Variants in CDH23 observed in about 807,000 individuals in gnomAD.
CDH23 encodes the protein cadherin-23.
A neutral mutation model predicts 317.1 loss-of-function variants in CDH23; 189 were observed. The ratio of observed to expected loss-of-function variants is 0.60; its 90% CI spans 0.53 to 0.67. The LOEUF (loss-of-function observed/expected upper bound fraction) is 0.67. Among genes scored for constraint, CDH23 ranks in the 30% least tolerant of loss-of-function variants. The pLI is 0.00. For missense variants in CDH23, 4,401 were observed against 4,592.4 expected, an observed-to-expected ratio of 0.96 and a Z score of 1.20; for synonymous variants, 1,839 against 1,876.8, an observed-to-expected ratio of 0.98 and a Z score of 0.52.
chr10:71,456,406 G>GTTTTGGATGCGGCC (rs1564591931), intron 3 of CDH23, among the ~76,000 whole-genome samples: 3 of 151,058 alleles, frequency 2.0e-5, no homozygotes, highest in Admixed American at 6.6e-5. Context: ...CCTCTAAGGT[G>GTTTTGGATGCGGCC]ATAGAACAGA....
At chr10:71,594,664 C>T (rs553365321) in intron 9 of CDH23, among the ~76,000 whole-genome samples, 6 of 152,274 alleles carry the variant, frequency 3.9e-5, no homozygotes, top group Admixed American at 3.3e-4. Flanking sequence ...CATGAGCCAC[C>T]GCACCCAGCC....
intron 41 of CDH23, among the ~76,000 whole-genome samples, chr10:71,780,635 G>A (rs530198699): frequency 6.6e-6 from 1 of 152,196 alleles, no homozygotes. Flanking sequence ...GGGCCTTGAG[G>A]GGCATCATGA....
chr10:71,456,424 T>A (rs1850700456), intron 3 of CDH23, among the ~76,000 whole-genome samples: 1 of 142,496 alleles, frequency 7.0e-6, no homozygotes, highest in African/African-American at 3.1e-5. Flanking sequence ...AGACTGTGTC[T>A]TCTTGGGGGT....
chr10:71,636,826 T>C lies in CDH23; in HGVS notation c.1135-7035T>C, dbSNP rs547878909. ...GTGGAGAAACGGAGGCCTGGAGCCA[T>C]GAGTGGCGGGGCAGGCCTGAAGGGC... On this transcript the variant is annotated intron_variant, in intron 11 of 69. Coordinates refer to ENST00000224721, the MANE Select transcript of CDH23 (RefSeq NM_022124.6). Among the ~76,000 whole-genome samples the C allele has an allele frequency of 9.5e-4, 144 of 152,254 alleles. 1 individual carries two copies. The highest frequency in any genetic ancestry group is 1.8e-3 in the Non-Finnish European group (122 of 67,996).
In CDH23 at chr10:71,784,339, G is replaced by C; in HGVS notation, c.5421G>C (p.Val1807=). ...GGGTGCTAAGGGTCCGGAAGGACGT[G>C]GAGCTGGACCGGGAGACCATCGCCT... is the stretch of plus-strand genomic sequence containing the variant. ...VEGVLRVRKD[V]ELDRETIAFY... Residue 1807 remains valine, a synonymous_variant, in exon 42 of 70, where the codon GTG becomes GTC. Transcript: ENST00000224721. The C allele has an allele frequency of 6.2e-7, 1 of 1,613,930 alleles. No homozygotes were observed.
chr10:71,559,329 A>T (rs1253972234), intron 6 of CDH23, among the ~76,000 whole-genome samples: 1 of 152,216 alleles, frequency 6.6e-6, no homozygotes, highest in Non-Finnish European at 1.5e-5. Flanking sequence ...AATTAAATGG[A>T]TGTGTTCAAT....
intron 1 of CDH23, among the ~76,000 whole-genome samples, chr10:71,424,650 C>T (rs1347166312): frequency 2.6e-5 from 4 of 152,206 alleles, no homozygotes; most frequent in Admixed American, 1.3e-4. Context: ...TTGAAGGGAC[C>T]TCGTTCCTTT....
At position 71,719,099 on chromosome 10, in the gene CDH23, A is replaced by T. The variant is rs371450750; in HGVS notation, c.3370-4946A>T. The stretch of plus-strand genomic sequence containing the variant: ...TCTCAAAAAAATAAAAAATAAAAAA[A>T]AAATAAGTGGAGTTGTAATTAGCAT... On this transcript the variant is annotated intron_variant, in intron 28 of 69. Transcript: ENST00000224721. Among the ~76,000 whole-genome samples the T allele has an allele frequency of 1.4e-3, 218 of 152,242 alleles. 1 individual carries two copies. The highest frequency in any genetic ancestry group is 4.0e-3 in the African/African-American group (167 of 41,534).
In CDH23 at chr10:71,798,381, T is replaced by C. The variant is rs1841461444; in HGVS notation, c.6857T>C (p.Val2286Ala). ...AAGCTGACTGTCAACGTCCTGGACG[T>C]CAATGACAATACGCCCCAGTTCAAG... ...NAKLTVNVLD[V>A]NDNTPQFKPF... The change falls in exon 50 of 70, where the codon GTC becomes GCC. Residue 2286 changes from valine (V) to alanine (A), a missense_variant. Val to Ala is a moderately conservative substitution (Grantham distance 64, BLOSUM62 0). Around this residue, in one of 3 missense-constraint regions of CDH23, gnomAD observed 3,068 missense variants for 3,203.3 expected, o/e 0.96. Transcript: ENST00000224721. The C allele has an allele frequency of 1.9e-6, 3 of 1,613,862 alleles. No homozygotes were observed. Among genetic ancestry groups the C allele is most frequent in the Non-Finnish European group, 1.7e-6 (2 of 1,179,806 alleles).
intron 14 of CDH23, among the ~76,000 whole-genome samples, chr10:71,648,140 G>A (rs954627132): frequency 6.6e-5 from 10 of 152,158 alleles, no homozygotes; most frequent in Admixed American, 2.6e-4. Context: ...ATAATTCTGC[G>A]GCAGCTGTTT....
intron 1 of CDH23, among the ~76,000 whole-genome samples, chr10:71,407,361 G>A (rs1180886328): frequency 2.0e-5 from 3 of 152,206 alleles, no homozygotes; most frequent in Non-Finnish European, 4.4e-5. Context: ...CCTGGGCTGA[G>A]GTTGAATGTT....
chr10:71,645,650 G>T (rs745839099), intron 12 of CDH23, 181 bp from the exon 13 acceptor site: 1 of 777,890 alleles, frequency 1.3e-6, no homozygotes, highest in South Asian at 1.4e-5. Flanking sequence ...GCCTAGACAT[G>T]GGTGGGTCAT....
intron 20 of CDH23, among the ~76,000 whole-genome samples, chr10:71,693,025 C>T (rs891889614): frequency 6.6e-6 from 1 of 152,192 alleles, no homozygotes; most frequent in Non-Finnish European, 1.5e-5. Context: ...CAAGGCCAAG[C>T]GTCTGGGAAG....
rs556867044 is a variant in CDH23, at chr10:71,615,707, C to T, written c.945+91C>T. The T allele has an allele frequency of 5.0e-5, 44 of 872,616 alleles. No homozygotes were observed. In the African/African-American group the frequency reaches 5.4e-4, roughly 11 times the overall value. The allele number at this position is 872,616 out of a possible 1,614,324, so 54.1% of individuals were successfully genotyped here. On this transcript the variant is annotated intron_variant, in intron 10 of 69. Coordinates refer to ENST00000224721, the MANE Select transcript of CDH23 (RefSeq NM_022124.6). ...AGCAGTGTCCGAGGGCTCCTGCCCC[C>T]GGTGGTGGCGCCGGAAGCACTTCGC... is the stretch of plus-strand genomic sequence containing the variant.
chr10:71,719,181 C>A (rs1866433915), intron 28 of CDH23, among the ~76,000 whole-genome samples: 2 of 152,176 alleles, frequency 1.3e-5, no homozygotes, highest in Admixed American at 1.3e-4. Context: ...AACACAACAC[C>A]CTTCCTGGAG....
intron 9 of CDH23, among the ~76,000 whole-genome samples, chr10:71,590,164 G>A (rs1029928107): frequency 7.2e-5 from 11 of 152,174 alleles, no homozygotes; most frequent in Non-Finnish European, 1.3e-4. Flanking sequence ...CTGCCTCTCC[G>A]TCAAATGCTC....
chr10:71,781,047 G>A (rs919860218), intron 41 of CDH23, among the ~76,000 whole-genome samples: 2 of 152,118 alleles, frequency 1.3e-5, no homozygotes, highest in African/African-American at 4.8e-5. Context: ...GGGTCGGTTC[G>A]AGATACCAGG....
chr10:71,675,685 G>A (rs767730290), intron 15 of CDH23, among the ~76,000 whole-genome samples: 135 of 152,284 alleles, frequency 8.9e-4, no homozygotes, highest in African/African-American at 2.8e-3. Flanking sequence ...TATAAGTGCC[G>A]TGGTCAGGCT....
At chr10:71,533,011 C>T (rs1014431139) in intron 6 of CDH23, among the ~76,000 whole-genome samples, 6 of 152,154 alleles carry the variant, frequency 3.9e-5, no homozygotes, top group African/African-American at 7.2e-5. Flanking sequence ...GGATTACAGG[C>T]GTGAGCCACT....
Sources: gnomAD v4.1 joint callset for allele counts (sites outside exome capture counted in the v4.1 genomes callset) on GRCh38, gnomAD v4.1.1 for gene constraint, gnomAD v4.1.1 regional missense constraint, MANE v1.5 for transcripts, NCBI Gene and HGNC (gene_info 2026-07-23, HGNC 2026-07-21) for gene names.